The following ZNF804B variants were observed in gnomAD, a reference collection of about 807,000 sequenced individuals.
ZNF804B encodes zinc finger 804B.
Under a neutral mutation model 101.4 loss-of-function variants are expected in ZNF804B, and 80 were observed. The observed-to-expected ratio is 0.79, with a 90% confidence interval of 0.66 to 0.95. The LOEUF is 0.95. Ranked by LOEUF, ZNF804B falls within the 40% of genes least tolerant of loss-of-function variation. The pLI is 0.00. For missense variants in ZNF804B, 1,673 were observed against 1,561.9 expected (o/e 1.07, Z -1.20); for synonymous variants, 622 against 558.8 (o/e 1.11, Z -1.59).
At chr7:89,208,191 C>G (rs1034296796) in intron 1 of ZNF804B, among the ~76,000 whole-genome samples, 6 of 151,258 alleles carry the variant, frequency 4.0e-5, no homozygotes, top group Non-Finnish European at 7.4e-5. Flanking sequence ...ATGCCGTTCT[C>G]CTGCCTCAGC....
At chr7:89,299,695 C>T (rs938746627) in intron 2 of ZNF804B, among the ~76,000 whole-genome samples, 5 of 152,020 alleles carry the variant, frequency 3.3e-5, no homozygotes, top group Admixed American at 3.3e-4. Context: ...ACTCACTGCT[C>T]TAAAATTCCC....
At chr7:88,813,177 C>T (rs1469437661) in intron 1 of ZNF804B, among the ~76,000 whole-genome samples, 2 of 151,474 alleles carry the variant, frequency 1.3e-5, no homozygotes, top group African/African-American at 2.4e-5. Context: ...CCTATAATAC[C>T]AGCACTTTGG....
chr7:89,042,806 C>T (rs1789036621), intron 1 of ZNF804B, among the ~76,000 whole-genome samples: 1 of 152,060 alleles, frequency 6.6e-6, no homozygotes, highest in African/African-American at 2.4e-5. Flanking sequence ...TCTCCTGTTT[C>T]TTAGGCAAAA....
chr7:89,262,114 A>G (rs1303600514), intron 2 of ZNF804B, among the ~76,000 whole-genome samples: 1 of 152,246 alleles, frequency 6.6e-6, no homozygotes, highest in Non-Finnish European at 1.5e-5. Flanking sequence ...GTGAACTTCC[A>G]AAACACTCAT....
intron 1 of ZNF804B, among the ~76,000 whole-genome samples, chr7:89,042,980 C>T (rs572713393): frequency 1.2e-4 from 19 of 152,260 alleles, no homozygotes; most frequent in Non-Finnish European, 1.9e-4. Flanking sequence ...CATACAATCT[C>T]ATATTCATTT....
Position 89,231,975 on chromosome 7 carries a change from G to C in ZNF804B, c.249+13680G>C, listed in dbSNP as rs577389966. ...AATGTGGTGTTGAATAAAAGATGCA[G>C]AAATGGCCACTTTTGTGTTCTGAAT... On this transcript the variant is annotated intron_variant, in intron 2 of 3. Transcript: ENST00000333190. 3.9e-5 allele frequency among the ~76,000 whole-genome samples: 6 copies of C among 152,116 alleles called. No homozygotes were observed. In the South Asian group the frequency reaches 1.2e-3, roughly 31 times the overall value.
intron 1 of ZNF804B, among the ~76,000 whole-genome samples, chr7:88,932,915 A>T (rs544829392): frequency 3.3e-5 from 5 of 151,936 alleles, no homozygotes; most frequent in Admixed American, 2.6e-4. Context: ...ATTCCAAAAG[A>T]TAAAGAGGGA....
intron 1 of ZNF804B, among the ~76,000 whole-genome samples, chr7:89,194,396 G>T (rs1315072063): frequency 3.3e-5 from 5 of 150,826 alleles, no homozygotes; most frequent in East Asian, 3.9e-4. Flanking sequence ...CCATGCCTAT[G>T]TCCTGAATGG....
At chr7:89,066,746 CTTGT>C (rs113850019) in intron 1 of ZNF804B, among the ~76,000 whole-genome samples, 3,831 of 151,784 alleles carry the variant, frequency 0.025, 184 homozygotes, top group African/African-American at 0.088. Flanking sequence ...CATTCTTTTG[CTTGT>C]TTATTTGTTT....
intron 2 of ZNF804B, among the ~76,000 whole-genome samples, chr7:89,224,752 ATGAG>A (rs1789058790): frequency 2.9e-5 from 2 of 69,628 alleles, no homozygotes; most frequent in African/African-American, 5.5e-5. Flanking sequence ...GTGTGTGTGT[ATGAG>A]TGTGTGTGTG....
chr7:89,105,799 C>T (rs1403502662), intron 1 of ZNF804B, among the ~76,000 whole-genome samples: 1 of 152,150 alleles, frequency 6.6e-6, no homozygotes, highest in South Asian at 2.1e-4. Flanking sequence ...CAGTAGCAAG[C>T]CCAGCCAGAC....
chr7:89,070,807 G>A (rs868845040), intron 1 of ZNF804B, among the ~76,000 whole-genome samples: 3 of 151,856 alleles, frequency 2.0e-5, no homozygotes, highest in East Asian at 1.9e-4. Flanking sequence ...CAAGGAGCTC[G>A]CTGCCCCTTA....
intron 1 of ZNF804B, among the ~76,000 whole-genome samples, chr7:89,129,400 T>C (rs1290422701): frequency 6.6e-6 from 1 of 151,994 alleles, no homozygotes; most frequent in African/African-American, 2.4e-5. Flanking sequence ...TTTACATTTC[T>C]TTAAACCACA....
chr7:89,099,750 C>T (rs1388698619), intron 1 of ZNF804B, among the ~76,000 whole-genome samples: 2 of 152,102 alleles, frequency 1.3e-5, no homozygotes, highest in Admixed American at 6.5e-5. Context: ...AAGAATAAGG[C>T]AAACTTTAGT....
intron 2 of ZNF804B, among the ~76,000 whole-genome samples, chr7:89,280,046 A>G (rs1252711341): frequency 6.6e-6 from 1 of 152,160 alleles, no homozygotes; most frequent in Non-Finnish European, 1.5e-5. Context: ...AACAGAAATT[A>G]TAACAAACTA....
At chr7:89,088,844 C>T (rs189974122) in intron 1 of ZNF804B, among the ~76,000 whole-genome samples, 10 of 151,734 alleles carry the variant, frequency 6.6e-5, no homozygotes, top group South Asian at 4.2e-4. Context: ...CTTCTTCTTC[C>T]CCTAGCTAGA....
Position 88,976,830 on chromosome 7 carries a change from C to T in ZNF804B, c.108+216746C>T, listed in dbSNP as rs145537720. Among the ~76,000 whole-genome samples, 647 of 151,714 alleles carry T rather than the reference C, an allele frequency of 4.3e-3. 14 individuals carry two copies. In the East Asian group the frequency reaches 0.045, roughly 11 times the overall value. On this transcript the variant is annotated intron_variant, in intron 1 of 3. Coordinates refer to ENST00000333190, the MANE Select transcript of ZNF804B (RefSeq NM_181646.5). ...CAGGTTTCATATATTAGAGGAAAAGCTTTCAGGTTTTTCCCATTCACTATG... is the reference window on the plus strand; with the variant it reads ...CAGGTTTCATATATTAGAGGAAAAGTTTTCAGGTTTTTCCCATTCACTATG...
chr7:89,089,558 T>A (rs1789852668), intron 1 of ZNF804B, among the ~76,000 whole-genome samples: 1 of 151,918 alleles, frequency 6.6e-6, no homozygotes, highest in Non-Finnish European at 1.5e-5. Context: ...AAAAAAAATT[T>A]TTTTTTGCAC....
intron 1 of ZNF804B, among the ~76,000 whole-genome samples, chr7:89,059,255 A>T (rs1271843154): frequency 1.3e-5 from 2 of 152,150 alleles, no homozygotes; most frequent in African/African-American, 2.4e-5. Context: ...CTGTTCTTTC[A>T]TTGCAATAAA....
Sources: gnomAD v4.1 joint callset for allele counts (sites outside exome capture counted in the v4.1 genomes callset) on GRCh38, gnomAD v4.1.1 for gene constraint, MANE v1.5 for transcripts, NCBI Gene and HGNC (gene_info 2026-07-23, HGNC 2026-07-21) for gene names.